The following CORO7 variants were observed in gnomAD, a reference collection of about 807,000 sequenced individuals.
The protein encoded by CORO7 is coronin 7.
Under a neutral mutation model 126.6 loss-of-function variants are expected in CORO7, and 107 were observed. The ratio of observed to expected loss-of-function variants is 0.85; its 90% confidence interval spans 0.72 to 0.99. The LOEUF (loss-of-function observed/expected upper bound fraction) is 0.99, where lower values mean the gene tolerates loss of function less well. Among genes scored for constraint, CORO7 ranks in the 50% least tolerant of loss-of-function variants. The probability of loss-of-function intolerance (pLI) is 0.00; values close to 1 mark genes in which losing one functional copy is unlikely to be tolerated. For synonymous variants in CORO7, 603 were observed against 536.8 expected, an observed-to-expected ratio of 1.12 and a Z score of -1.70; for missense variants, 1,314 against 1,255.8, an observed-to-expected ratio of 1.05 and a Z score of -0.70.
chr16:4,365,152 C>A, intron 10 of CORO7, 92 bp from the exon 11 acceptor site: 1 of 1,529,318 alleles, frequency 6.5e-7, no homozygotes, highest in African/African-American at 1.4e-5. Context: ...TCCCCAAGGA[C>A]CTGAGCCACA....
chr16:4,374,786 A>G (rs1369943653), intron 9 of CORO7, among the ~76,000 whole-genome samples: 1 of 151,962 alleles, frequency 6.6e-6, no homozygotes, highest in East Asian at 1.9e-4. Context: ...GGAGCTTGAG[A>G]AGGGCAAGAC....
At chr16:4,376,476 C>T (rs1027344205) in intron 9 of CORO7, among the ~76,000 whole-genome samples, 2 of 152,164 alleles carry the variant, frequency 1.3e-5, no homozygotes, top group African/African-American at 2.4e-5. Context: ...ACAGGAGGGG[C>T]GTACTGGCCT....
intron 23 of CORO7, chr16:4,358,940 C>T (rs7191812): frequency 0.18 from 58,266 of 322,864 alleles, 9,074 homozygotes; most frequent in African/African-American, 0.53. Flanking sequence ...TTATCTAGTG[C>T]AATTTTTTGT....
chr16:4,380,680 T>TCAATG (rs2054923899), intron 9 of CORO7, among the ~76,000 whole-genome samples: 2 of 152,134 alleles, frequency 1.3e-5, no homozygotes, highest in Non-Finnish European at 2.9e-5. Flanking sequence ...ATTGACAAGG[T>TCAATG]CACACAGTGA....
chr16:4,360,723 C>A (rs1051774217), intron 19 of CORO7, among the ~76,000 whole-genome samples, 175 bp from the exon 20 acceptor site: 6 of 132,368 alleles, frequency 4.5e-5, no homozygotes, highest in Non-Finnish European at 8.1e-5. Context: ...TCACTGCTGG[C>A]CCCCCTTCTC....
intron 9 of CORO7, among the ~76,000 whole-genome samples, chr16:4,387,226 G>A (rs2055223018): frequency 6.6e-6 from 1 of 152,098 alleles, no homozygotes. Flanking sequence ...GGTCTGAACA[G>A]ATGAGTCACT....
chr16:4,408,155 C>A, intron 4 of CORO7, 26 bp downstream of exon 4: 1 of 1,614,000 alleles, frequency 6.2e-7, no homozygotes, highest in Non-Finnish European at 8.5e-7. Context: ...GGACATAGAG[C>A]AGCTCTTCCA....
intron 16 of CORO7, chr16:4,361,767 C>G: frequency 1.2e-6 from 1 of 849,920 alleles, no homozygotes; most frequent in Non-Finnish European, 1.9e-6. Context: ...GTGACCCGGG[C>G]AGGTCACTAA....
intron 7 of CORO7, among the ~76,000 whole-genome samples, chr16:4,389,002 G>A (rs2055294117): frequency 6.6e-6 from 1 of 152,196 alleles, no homozygotes; most frequent in African/African-American, 2.4e-5. Flanking sequence ...GTGTGATCCT[G>A]GGGATGTCAC....
At chr16:4,386,573 C>G (rs1223243917) in intron 9 of CORO7, among the ~76,000 whole-genome samples, 1 of 152,200 alleles carries the variant, frequency 6.6e-6, no homozygotes, top group East Asian at 1.9e-4. Flanking sequence ...GGCCCGGGAG[C>G]TCCGACTCCT....
In CORO7 at chr16:4,358,381, G is replaced by A. The variant is rs1211909572; in HGVS notation, c.2443C>T (p.Leu815=). The A allele has an allele frequency of 1.2e-6, 2 of 1,612,362 alleles. No homozygotes were observed. Among genetic ancestry groups the A allele is most frequent in the Admixed American group, 1.7e-5 (1 of 59,956 alleles). Residue 815 remains leucine (L), a synonymous_variant, in exon 24 of 28, where the codon CTG becomes TTG. Coordinates refer to ENST00000251166, the MANE Select transcript of CORO7 (RefSeq NM_024535.5). ...CCCACCCTCACCCGGACTCGGGGCA[G>A]CCGGAAGGCCACAGGCTCCAGGGAG... is the stretch of plus-strand genomic sequence containing the variant. The part of the protein sequence containing the change: ...QSSLEPVAFR[L]PRVRKEFFQD...
At chr16:4,402,730 G>T (rs570078664) in intron 6 of CORO7, among the ~76,000 whole-genome samples, 37 of 152,332 alleles carry the variant, frequency 2.4e-4, no homozygotes, top group East Asian at 1.5e-3. Flanking sequence ...CTCTGGCTCA[G>T]CGGAGAGGAA....
intron 6 of CORO7, among the ~76,000 whole-genome samples, chr16:4,403,312 C>A (rs1175017159): frequency 6.6e-6 from 1 of 152,126 alleles, no homozygotes; most frequent in South Asian, 2.1e-4. Context: ...GTGTAGGATG[C>A]CCCCACCAGG....
rs372959826 is a variant in CORO7, at chr16:4,413,321, G to A, written c.144C>T (p.Asn48=). 7.0e-6 allele frequency: 11 copies of A among 1,581,356 alleles called. No homozygotes were observed. The highest frequency in any genetic ancestry group is 1.3e-5 in the African/African-American group (1 of 74,426). The part of the protein sequence containing the change: ...IKSSCSLIAF[N]SDRPGVLGIV... ...GCCATTCCCTACCAGGACGGTCGGAGTTGAAGGCGATCAAGCTGCAGCTTG... is the reference window on the plus strand; with the variant it reads ...GCCATTCCCTACCAGGACGGTCGGAATTGAAGGCGATCAAGCTGCAGCTTG... Residue 48 remains asparagine, a synonymous_variant, in exon 2 of 28, where the codon AAC becomes AAT. Coordinates refer to ENST00000251166, the MANE Select transcript of CORO7 (RefSeq NM_024535.5).
At position 4,362,149 on chromosome 16, in the gene CORO7, T is replaced by C. The variant is rs1270316592; in HGVS notation, c.1414A>G (p.Lys472Glu). ...SLQSLLGPSS[K>E]FRHAQGTVLH... ...ACAGTGCCCTGAGCATGGCGGAACT[T>C]GGAACTGGGGCCTGGCAGGTGGCAG... The change falls in exon 16 of 28, where the codon AAG becomes GAG. Residue 472 changes from lysine to glutamate, a missense_variant. Coordinates refer to ENST00000251166, the MANE Select transcript of CORO7 (RefSeq NM_024535.5). The surrounding 1 kb of genome is among the most constrained non-coding windows in gnomAD (Gnocchi z 5.3). 1.2e-6 allele frequency: 2 copies of C among 1,607,626 alleles called. No homozygotes were observed. Among genetic ancestry groups the C allele is most frequent in the Non-Finnish European group, 1.7e-6 (2 of 1,177,956 alleles).
intron 9 of CORO7, among the ~76,000 whole-genome samples, chr16:4,374,901 T>A (rs937230410): frequency 6.6e-6 from 1 of 152,016 alleles, no homozygotes; most frequent in Admixed American, 6.6e-5. Context: ...CAGGGTTAAT[T>A]GCAGGTTAGG....
intron 23 of CORO7, 166 bp downstream of exon 23, chr16:4,359,130 T>C (rs774126312): frequency 1.5e-5 from 11 of 736,534 alleles, no homozygotes; most frequent in Non-Finnish European, 2.3e-5. Context: ...TCCTAAATAA[T>C]TCCAGCAGCA....
At chr16:4,381,323 G>T in intron 9 of CORO7, 1 of 1,610,692 alleles carries the variant, frequency 6.2e-7, no homozygotes, top group Non-Finnish European at 8.5e-7. Context: ...ACGCTCGACC[G>T]CCTCCTGGAG....
chr16:4,365,269 G>A (rs145265085), intron 10 of CORO7, among the ~76,000 whole-genome samples: 57 of 152,272 alleles, frequency 3.7e-4, no homozygotes, highest in African/African-American at 9.4e-4. Context: ...GGTGAGCACC[G>A]GGGGTGTACG....
Sources: gnomAD v4.1 joint callset for allele counts (sites outside exome capture counted in the v4.1 genomes callset) on GRCh38, gnomAD v4.1.1 for gene constraint, Gnocchi (gnomAD v3.1) non-coding constraint, MANE v1.5 for transcripts, NCBI Gene and HGNC (gene_info 2026-07-23, HGNC 2026-07-21) for gene names.